NOX4: variants seen among roughly 807,000 people sequenced by gnomAD.
NOX4 encodes NADPH oxidase 4.
In NOX4, 69 loss-of-function variants were observed where a neutral mutation model predicts 87.6. That is an observed-to-expected ratio of 0.79 (90% CI 0.65 to 0.96). The LOEUF (loss-of-function observed/expected upper bound fraction) is 0.96. Ranked by LOEUF, NOX4 falls within the 40% of genes least tolerant of loss-of-function variation. The pLI is 0.00. For missense variants in NOX4, 680 were observed against 681.5 expected (o/e 1.00, Z 0.02); for synonymous variants, 275 against 238.2 (o/e 1.15, Z -1.42).
chr11:89,378,709 T>TAA, intron 11 of NOX4, among the ~76,000 whole-genome samples: 1 of 152,104 alleles, frequency 6.6e-6, no homozygotes, highest in African/African-American at 2.4e-5. Context: ...TATAGGAGAA[T>TAA]AAAAACGTCA....
intron 17 of NOX4, among the ~76,000 whole-genome samples, chr11:89,328,913 A>G (rs1280622333): frequency 6.6e-6 from 1 of 152,102 alleles, no homozygotes; most frequent in African/African-American, 2.4e-5. Context: ...AGCCATCTGC[A>G]AGTCAAGGAG....
intron 2 of NOX4, among the ~76,000 whole-genome samples, chr11:89,477,079 G>A (rs895079838): frequency 2.0e-5 from 3 of 152,040 alleles, no homozygotes; most frequent in African/African-American, 7.2e-5. Context: ...GTGGTTTTGG[G>A]ATGATTCAAC....
At chr11:89,363,170 C>G (rs1195356328) in intron 12 of NOX4, among the ~76,000 whole-genome samples, 1 of 151,790 alleles carries the variant, frequency 6.6e-6, no homozygotes, top group African/African-American at 2.4e-5. Flanking sequence ...ATGCTGGTAA[C>G]AAAAAGCAAA....
the NOX4 span, among the ~76,000 whole-genome samples, chr11:89,519,707 C>A: frequency 1.3e-5 from 2 of 152,002 alleles, no homozygotes; most frequent in African/African-American, 4.8e-5. Flanking sequence ...CAGTGAAGAA[C>A]GGAACTATCT....
chr11:89,436,644 T>C (rs535977510), intron 6 of NOX4, among the ~76,000 whole-genome samples: 1 of 152,258 alleles, frequency 6.6e-6, no homozygotes, highest in African/African-American at 2.4e-5. Context: ...CATACCCAGA[T>C]GTGGTCAGAA....
At chr11:89,428,315 G>A (rs150493204) in intron 7 of NOX4, among the ~76,000 whole-genome samples, 5,270 of 152,170 alleles carry the variant, frequency 0.035, 322 homozygotes, top group African/African-American at 0.12. Flanking sequence ...ATCAACTAAT[G>A]AGCAAAATAA....
the NOX4 span, among the ~76,000 whole-genome samples, chr11:89,503,547 AG>A: frequency 1.3e-5 from 2 of 151,880 alleles, no homozygotes; most frequent in African/African-American, 4.8e-5. Flanking sequence ...TAAAAAAATC[AG>A]GTTGTGAGAT....
At chr11:89,354,730 G>A (rs1398455632) in intron 13 of NOX4, among the ~76,000 whole-genome samples, 3 of 152,122 alleles carry the variant, frequency 2.0e-5, no homozygotes, top group Admixed American at 1.3e-4. Flanking sequence ...TGCACTGTGC[G>A]GCAGCTCCTC....
chr11:89,539,422 ACT>A, the NOX4 span, among the ~76,000 whole-genome samples: 205 of 151,914 alleles, frequency 1.3e-3, no homozygotes, highest in African/African-American at 4.6e-3. Context: ...ACAGAGCAAG[ACT>A]CTGTCTCAAA....
intron 8 of NOX4, among the ~76,000 whole-genome samples, chr11:89,409,360 A>T (rs1942357086): frequency 1.3e-5 from 2 of 152,200 alleles, no homozygotes; most frequent in African/African-American, 4.8e-5. Flanking sequence ...TATTTGGTCT[A>T]TCTCCAAAAC....
chr11:89,529,115 TC>T, the NOX4 span, among the ~76,000 whole-genome samples: 1 of 152,122 alleles, frequency 6.6e-6, no homozygotes, highest in Admixed American at 6.5e-5. Flanking sequence ...TGTGTGGCTG[TC>T]ATAAATTTGA....
At chr11:89,485,884 A>G (rs1273808586) in intron 2 of NOX4, among the ~76,000 whole-genome samples, 15 of 152,008 alleles carry the variant, frequency 9.9e-5, no homozygotes, top group Non-Finnish European at 1.8e-4. Flanking sequence ...ACATGTCACA[A>G]TTAAACATCT....
chr11:89,588,030 A>G, the NOX4 span, among the ~76,000 whole-genome samples: 4 of 152,216 alleles, frequency 2.6e-5, no homozygotes, highest in African/African-American at 9.6e-5. Context: ...CTTGTTTTCT[A>G]TTCCGGTGTT....
chr11:89,395,434 T>G (rs1941414747), intron 11 of NOX4, among the ~76,000 whole-genome samples: 1 of 152,188 alleles, frequency 6.6e-6, no homozygotes, highest in Non-Finnish European at 1.5e-5. Context: ...TTGCAAAAAT[T>G]TTCTCCCATT....
At chr11:89,585,805 T>C in the NOX4 span, among the ~76,000 whole-genome samples, 1 of 152,208 alleles carries the variant, frequency 6.6e-6, no homozygotes, top group Non-Finnish European at 1.5e-5. Context: ...CACATCACTG[T>C]TCTTTACCAA....
upstream of NOX4, among the ~76,000 whole-genome samples, chr11:89,493,829 AACCTCC>A (rs1461583859): frequency 6.6e-6 from 1 of 151,530 alleles, no homozygotes; most frequent in Admixed American, 6.6e-5. Context: ...GGCTGACTGT[AACCTCC>A]ACCTCCTGGG....
rs573469144 is a variant in NOX4 at position 89,475,525 on chromosome 11, T to G, written c.153+14933A>C. Among the ~76,000 whole-genome samples the G allele has an allele frequency of 4.6e-5, 7 of 152,194 alleles. No homozygotes were observed. The South Asian group carries it at 1.4e-3, about 32-fold the overall frequency. On this transcript the variant is annotated intron_variant, in intron 2 of 17. Coordinates refer to ENST00000263317, the MANE Select transcript of NOX4 (RefSeq NM_016931.5). ...CTTCTAAAAATTACCTTGAAAATAT[T>G]TAATGGCTTAGGATGGAATCTTTCA...
the NOX4 span, among the ~76,000 whole-genome samples, chr11:89,571,811 A>G: frequency 1.3e-5 from 2 of 152,296 alleles, no homozygotes; most frequent in African/African-American, 4.8e-5. Flanking sequence ...AGCTACAAAG[A>G]TAAAAAGCTA....
intron 13 of NOX4, among the ~76,000 whole-genome samples, chr11:89,346,558 G>A (rs1377419074): frequency 7.1e-6 from 1 of 141,588 alleles, no homozygotes; most frequent in South Asian, 2.2e-4. Flanking sequence ...GCTGAATGCA[G>A]GATGGGGTAA....
Sources: gnomAD v4.1 joint callset for allele counts (sites outside exome capture counted in the v4.1 genomes callset) on GRCh38, gnomAD v4.1.1 for gene constraint, MANE v1.5 for transcripts, NCBI Gene and HGNC (gene_info 2026-07-23, HGNC 2026-07-21) for gene names.